ZFP1: variants seen among roughly 807,000 people sequenced by gnomAD.
ZFP1 encodes ZFP1 zinc finger protein.
Under a neutral mutation model 38.5 loss-of-function variants are expected in ZFP1, and 32 were observed. The observed-to-expected ratio is 0.83, with a 90% CI of 0.63 to 1.12. ZFP1 has a LOEUF of 1.12. Among genes scored for constraint, ZFP1 ranks in the 50% most tolerant of loss-of-function variants. The probability of loss-of-function intolerance (pLI) is 0.00; values close to 1 mark genes in which losing one functional copy is unlikely to be tolerated. For missense variants in ZFP1, 616 were observed against 480.8 expected, an observed-to-expected ratio of 1.28 and a Z score of -2.63; for synonymous variants, 245 against 168.8, an observed-to-expected ratio of 1.45 and a Z score of -3.50.
chr16:75,157,868 T>G (rs1567528773), intron 2 of ZFP1, among the ~76,000 whole-genome samples: 1 of 152,078 alleles, frequency 6.6e-6, no homozygotes, highest in African/African-American at 2.4e-5. Flanking sequence ...TGATCTTCAC[T>G]CACTGCAGTC....
the ZFP1 span, among the ~76,000 whole-genome samples, chr16:75,140,100 C>T: frequency 6.6e-6 from 1 of 152,108 alleles, no homozygotes; most frequent in African/African-American, 2.4e-5. Flanking sequence ...GAAACCCCGT[C>T]TCTACTAAAA....
the ZFP1 span, among the ~76,000 whole-genome samples, chr16:75,123,542 T>C: frequency 6.9e-6 from 1 of 145,612 alleles, no homozygotes; most frequent in Admixed American, 6.9e-5. Context: ...AGTCTTCCTC[T>C]GTCACCCAGG....
At chr16:75,160,344 C>T (rs1362362404) in intron 2 of ZFP1, among the ~76,000 whole-genome samples, 1 of 152,018 alleles carries the variant, frequency 6.6e-6, no homozygotes, top group African/African-American at 2.4e-5. Context: ...ACCAGTCTTG[C>T]CAACATGTAC....
chr16:75,170,299 G>A lies in ZFP1; in HGVS notation c.1189G>A (p.Val397Ile), dbSNP rs1243073562. ...CTTTAGCAGGAAGTCCCGACTCAGTGTCCATCAGAGAGTTCACATCGGGGA... is the reference window on the plus strand; with the variant it reads ...CTTTAGCAGGAAGTCCCGACTCAGTATCCATCAGAGAGTTCACATCGGGGA... The part of the protein sequence containing the change: ...KAFSRKSRLS[V>I]HQRVHIGEKP The change falls in exon 4 of 4, where the codon GTC becomes ATC. Residue 397 changes from valine (V) to isoleucine (I), a missense_variant. By Grantham distance (29) the Val-to-Ile change is conservative. Coordinates refer to ENST00000570010, the MANE Select transcript of ZFP1 (RefSeq NM_153688.4). 1.9e-6 allele frequency: 3 copies of A among 1,599,748 alleles called. No individual in the cohort carries two copies. Among genetic ancestry groups the A allele is most frequent in the African/African-American group, 2.7e-5 (2 of 74,448 alleles).
intron 1 of ZFP1, among the ~76,000 whole-genome samples, chr16:75,150,410 G>A (rs1234095504): frequency 2.0e-5 from 3 of 151,178 alleles, no homozygotes; most frequent in African/African-American, 2.4e-5. Context: ...TAGTAGAGAC[G>A]GGGTTTCACC....
intron 1 of ZFP1, among the ~76,000 whole-genome samples, chr16:75,151,632 ATTG>A (rs2145498266): frequency 6.6e-6 from 1 of 152,302 alleles, no homozygotes; most frequent in African/African-American, 2.4e-5. Context: ...CTTTTGCATT[ATTG>A]TTGTCATACA....
At chr16:75,166,740 C>T (rs200466234) in intron 2 of ZFP1, 30 bp from the exon 3 acceptor site, 24 of 1,614,042 alleles carry the variant, frequency 1.5e-5, no homozygotes, top group Non-Finnish European at 1.9e-5. Context: ...AAATGATCAT[C>T]TTAGGATGAA....
rs542100563 is a variant in ZFP1 at position 75,165,459 on chromosome 16, G to C, written c.16-1311G>C. On this transcript the variant is annotated intron_variant, in intron 2 of 3. Coordinates refer to ENST00000570010, the MANE Select transcript of ZFP1 (RefSeq NM_153688.4). ...ACCCAGGCTCAAGTGCAGTGGGGCAGTCTGGGCTCACTGCAGCCTCCACCT... is the reference window on the plus strand; with the variant it reads ...ACCCAGGCTCAAGTGCAGTGGGGCACTCTGGGCTCACTGCAGCCTCCACCT... Among the ~76,000 whole-genome samples, 10 of 152,050 alleles carry C rather than the reference G, an allele frequency of 6.6e-5. No individual in the cohort carries two copies. In the South Asian group the frequency reaches 2.1e-3, roughly 32 times the overall value.
chr16:75,130,399 T>C, the ZFP1 span, among the ~76,000 whole-genome samples: 10 of 152,298 alleles, frequency 6.6e-5, no homozygotes, highest in African/African-American at 2.4e-4. Flanking sequence ...GTCAGTGGCC[T>C]GCTAGCGCTT....
intron 1 of ZFP1, among the ~76,000 whole-genome samples, chr16:75,152,613 T>C (rs144550712): frequency 3.7e-4 from 57 of 152,342 alleles, no homozygotes; most frequent in African/African-American, 1.2e-3. Flanking sequence ...ATATGAATCA[T>C]AGTTGTGTTA....
At chr16:75,147,452 A>ATT (rs34096115), upstream of ZFP1, among the ~76,000 whole-genome samples, 3,076 of 140,912 alleles carry the variant, frequency 0.022, 108 homozygotes, top group African/African-American at 0.066. Context: ...TAATTTTTGT[A>ATT]TTTTTTTTTT....
At chr16:75,151,201 A>AT (rs2037188961) in intron 1 of ZFP1, among the ~76,000 whole-genome samples, 1 of 148,580 alleles carries the variant, frequency 6.7e-6, no homozygotes, top group Admixed American at 6.7e-5. Context: ...TAATTTCCTG[A>AT]CTCCTACAAC....
At chr16:75,158,127 T>G (rs1042324607) in intron 2 of ZFP1, among the ~76,000 whole-genome samples, 1 of 151,690 alleles carries the variant, frequency 6.6e-6, no homozygotes, top group Admixed American at 6.6e-5. Context: ...ATGGTATATA[T>G]TTTATTTTTG....
At chr16:75,138,431 G>A in the ZFP1 span, among the ~76,000 whole-genome samples, 3 of 152,164 alleles carry the variant, frequency 2.0e-5, no homozygotes, top group African/African-American at 7.2e-5. Flanking sequence ...TTATAGTGGA[G>A]ACACACCTTC....
At chr16:75,147,052 T>G, upstream of ZFP1, among the ~76,000 whole-genome samples, 1 of 151,966 alleles carries the variant, frequency 6.6e-6, no homozygotes, top group Non-Finnish European at 1.5e-5. Context: ...ATATGTATGA[T>G]TCCACCTATA....
In ZFP1 at chr16:75,170,132, T is replaced by C. The variant is rs147247518; in HGVS notation, c.1022T>C (p.Ile341Thr). 5.0e-6 allele frequency: 8 copies of C among 1,613,944 alleles called. No individual in the cohort carries two copies. The highest frequency in any genetic ancestry group is 2.7e-5 in the African/African-American group (2 of 74,936). Residue 341 changes from isoleucine (I) to threonine (T), a missense_variant, in exon 4 of 4, where the codon ATA becomes ACA. Ile to Thr is a moderately conservative substitution (Grantham distance 89). Coordinates refer to ENST00000570010, the MANE Select transcript of ZFP1 (RefSeq NM_153688.4). ...TTTATCCAGAACTCACAGCTCATCA[T>C]ACACATGAGAACTCATACAGGAGAG... Reference protein sequence around the residue: ...KSFIQNSQLIIHMRTHTGEKP... With the variant: ...KSFIQNSQLITHMRTHTGEKP...
chr16:75,159,791 A>G (rs757247422), intron 2 of ZFP1, among the ~76,000 whole-genome samples: 3 of 152,148 alleles, frequency 2.0e-5, no homozygotes, highest in Non-Finnish European at 4.4e-5. Flanking sequence ...AAAAATGTTA[A>G]GTTTTGTCTG....
the ZFP1 span, among the ~76,000 whole-genome samples, chr16:75,135,064 AC>A: frequency 6.6e-6 from 1 of 151,440 alleles, no homozygotes; most frequent in African/African-American, 2.4e-5. Context: ...CAAAAAAAAA[AC>A]AAAAAAAACT....
chr16:75,161,775 T>TATATATATATATATATATATATATATA (rs59261786), intron 2 of ZFP1, among the ~76,000 whole-genome samples: 8 of 6,262 alleles, frequency 1.3e-3, no homozygotes, highest in Admixed American at 2.8e-3. Flanking sequence ...TATATATATA[T>TATATATATATATATATATATATATATA]TTTTTTTTTT....
Sources: gnomAD v4.1 joint callset for allele counts (sites outside exome capture counted in the v4.1 genomes callset) on GRCh38, gnomAD v4.1.1 for gene constraint, MANE v1.5 for transcripts, NCBI Gene and HGNC (gene_info 2026-07-23, HGNC 2026-07-21) for gene names.